PGAP4: variants seen among roughly 807,000 people sequenced by gnomAD.
PGAP4 encodes the protein post-GPI attachment to proteins GalNAc transferase 4.
Under a neutral mutation model 28.2 loss-of-function variants are expected in PGAP4, and 12 were observed. The ratio of observed to expected loss-of-function variants is 0.42; its 90% CI spans 0.27 to 0.69. The LOEUF is 0.69. Ranked by LOEUF, PGAP4 falls within the 30% of genes least tolerant of loss-of-function variation. The probability of loss-of-function intolerance (pLI) is 0.22; values close to 1 mark genes in which losing one functional copy is unlikely to be tolerated. For synonymous variants in PGAP4, 205 were observed against 211.8 expected, an observed-to-expected ratio of 0.97 and a Z score of 0.28; for missense variants, 425 against 513.5, an observed-to-expected ratio of 0.83 and a Z score of 1.67.
chr9:101,533,448 CG>C (rs377176553), upstream of PGAP4: 5 of 152,370 alleles, frequency 3.3e-5, no homozygotes, highest in African/African-American at 7.2e-5. Context: ...GGGGTACCAA[CG>C]AACAATTTTC....
chr9:101,488,429 A>G (rs1418321609), upstream of PGAP4, among the ~76,000 whole-genome samples: 1 of 152,200 alleles, frequency 6.6e-6, no homozygotes, highest in Non-Finnish European at 1.5e-5. Flanking sequence ...GCTGGGGTCT[A>G]ATCTATTTAC....
At chr9:101,481,013 C>G (rs1201627500) in intron 1 of PGAP4, among the ~76,000 whole-genome samples, 2 of 151,990 alleles carry the variant, frequency 1.3e-5, no homozygotes, top group East Asian at 3.9e-4. Flanking sequence ...CTAGTCTCAA[C>G]AAAAGATACA....
At chr9:101,503,993 CA>C (rs1826825823) in intron 2 of PGAP4, among the ~76,000 whole-genome samples, 1 of 151,936 alleles carries the variant, frequency 6.6e-6, no homozygotes, top group African/African-American at 2.4e-5. Context: ...ACCACATAAT[CA>C]AACTGAAACT....
intron 2 of PGAP4, among the ~76,000 whole-genome samples, chr9:101,529,908 T>C (rs1402175645): frequency 6.6e-6 from 1 of 152,246 alleles, no homozygotes; most frequent in African/African-American, 2.4e-5. Flanking sequence ...CCGGAAATTC[T>C]GATTCAGCAA....
At chr9:101,496,849 G>GT (rs1368188843) in intron 2 of PGAP4, among the ~76,000 whole-genome samples, 1 of 150,196 alleles carries the variant, frequency 6.7e-6, no homozygotes, top group Non-Finnish European at 1.5e-5. Flanking sequence ...TGTTTTTATT[G>GT]TTTTTTAATC....
chr9:101,517,904 G>T (rs945851050), intron 2 of PGAP4, among the ~76,000 whole-genome samples: 3 of 152,158 alleles, frequency 2.0e-5, no homozygotes, highest in Admixed American at 6.5e-5. Flanking sequence ...TTTTATTTTA[G>T]ATTCAAGAGA....
chr9:101,501,507 G>T, intron 2 of PGAP4: 1 of 315,450 alleles, frequency 3.2e-6, no homozygotes, highest in South Asian at 2.9e-5. Context: ...ATTAATCAGT[G>T]TAATCTCCCT....
In PGAP4 at chr9:101,523,169, C is replaced by T. The variant is rs111538725; in HGVS notation, c.-165+8179G>A. Among the ~76,000 whole-genome samples the T allele has an allele frequency of 2.9e-3, 432 of 146,664 alleles. 6 individuals carry two copies. In the Middle Eastern group the frequency reaches 0.032, roughly 11 times the overall value. On this transcript the variant is annotated intron_variant, in intron 2 of 3. Coordinates refer to the PGAP4 transcript ENST00000374851. ...TCACAGCTCTTAAGATTCTTTCCTT[C>T]GTCTTAACTTTGGATAACCTGATGA...
chr9:101,528,580 AG>A (rs1054785388), intron 2 of PGAP4, among the ~76,000 whole-genome samples: 27 of 152,136 alleles, frequency 1.8e-4, no homozygotes, highest in African/African-American at 6.0e-4. Flanking sequence ...CTCCAAGGCC[AG>A]GTGGGTTTCT....
intron 2 of PGAP4, among the ~76,000 whole-genome samples, chr9:101,508,819 CCTAT>C (rs1285032317): frequency 1.3e-5 from 2 of 152,048 alleles, no homozygotes; most frequent in Non-Finnish European, 1.5e-5. Context: ...ATTAGATGGC[CCTAT>C]CTGAGGGTGA....
intron 2 of PGAP4, among the ~76,000 whole-genome samples, chr9:101,505,917 T>C (rs898129896): frequency 6.6e-6 from 1 of 152,114 alleles, no homozygotes; most frequent in Non-Finnish European, 1.5e-5. Context: ...GACCTTAGAA[T>C]AAGATAAAAA....
At chr9:101,484,017 C>A (rs1826552542) in intron 1 of PGAP4, among the ~76,000 whole-genome samples, 1 of 152,114 alleles carries the variant, frequency 6.6e-6, no homozygotes. Flanking sequence ...TTGGTGCAAT[C>A]TTTGGAGGAA....
intron 2 of PGAP4, among the ~76,000 whole-genome samples, chr9:101,523,619 CTTTTTTTTTTTTTTT>C (rs71356369): frequency 1.3e-4 from 8 of 59,346 alleles, no homozygotes; most frequent in East Asian, 8.3e-4. Flanking sequence ...CTTCTTGTAT[CTTTTTTTTTTTTTTT>C]TTTTTTTTTT....
intron 2 of PGAP4, among the ~76,000 whole-genome samples, chr9:101,529,499 C>G (rs144876142): frequency 2.0e-3 from 300 of 152,302 alleles, no homozygotes; most frequent in African/African-American, 7.0e-3. Context: ...TGGGGCTCCT[C>G]TGACAATTTG....
intron 2 of PGAP4, among the ~76,000 whole-genome samples, chr9:101,502,736 C>T (rs1313238000): frequency 6.6e-6 from 1 of 152,060 alleles, no homozygotes; most frequent in Non-Finnish European, 1.5e-5. Flanking sequence ...GACCTGGCCA[C>T]ACCTACAGCA....
At chr9:101,531,976 G>A (rs1326495115) in intron 1 of PGAP4, among the ~76,000 whole-genome samples, 2 of 152,244 alleles carry the variant, frequency 1.3e-5, no homozygotes, top group Admixed American at 6.5e-5. Flanking sequence ...CACGCCAAGC[G>A]TGGTGGCTCA....
Position 101,476,700 on chromosome 9 carries a change from T to C in PGAP4, c.393A>G (p.Gln131=). Residue 131 remains glutamine (Q), a synonymous_variant, in exon 2 of 2, where the codon CAA becomes CAG. Transcript: ENST00000374848. This position sits in a 1 kb window ranked among gnomAD's most constrained non-coding sequence, Gnocchi z 7.0. ...VVSQFHRLLQ[Q]CGPQCEGHQL... ...GGTGCCCCTCGCACTGGGGGCCACA[T>C]TGCTGAAGAAGCCGGTGGAACTGGG... 6.2e-7 allele frequency: 1 copy of C among 1,614,126 alleles called. No homozygotes were observed.
Position 101,476,591 on chromosome 9 carries a change from A to T in PGAP4, c.502T>A (p.Tyr168Asn). The change falls in exon 2 of 2, where the codon TAT (tyrosine) becomes AAT (asparagine). Residue 168 changes from tyrosine (Y) to asparagine (N), a missense_variant. By Grantham distance (143) the Tyr-to-Asn change is moderately radical. Coordinates refer to ENST00000374848, the MANE Select transcript of PGAP4 (RefSeq NM_032342.3). This position sits in a 1 kb window ranked among gnomAD's most constrained non-coding sequence, Gnocchi z 7.0. The part of the protein sequence containing the change: ...LSKYVPVANR[Y>N]EGTEDDYGDD... ...CCATAATCATCCTCAGTGCCCTCAT[A>T]GCGATTGGCCACAGGGACATACTTG... is the stretch of plus-strand genomic sequence containing the variant. 1 of 1,614,142 alleles carries T rather than the reference A, an allele frequency of 6.2e-7. No homozygotes were observed. Among genetic ancestry groups the T allele is most frequent in the Non-Finnish European group, 8.5e-7 (1 of 1,180,038 alleles).
Position 101,486,003 on chromosome 9 carries a change from A to C in PGAP4, c.-78+946T>G, listed in dbSNP as rs1054207091. Among the ~76,000 whole-genome samples, 6 of 152,206 alleles carry C rather than the reference A, an allele frequency of 3.9e-5. No individual in the cohort carries two copies. In the East Asian group the frequency reaches 9.7e-4, roughly 25 times the overall value. On this transcript the variant is annotated intron_variant, in intron 1 of 1. Transcript: ENST00000374848. The surrounding 1 kb of genome is among the most constrained non-coding windows in gnomAD (Gnocchi z 4.7). ...CCCGCATGTGTTGCTAATGGTCCGCATGGTGAGATCATCATTGGAGCCGCC... is the reference window on the plus strand; with the variant it reads ...CCCGCATGTGTTGCTAATGGTCCGCCTGGTGAGATCATCATTGGAGCCGCC...
Sources: gnomAD v4.1 joint callset for allele counts (sites outside exome capture counted in the v4.1 genomes callset) on GRCh38, gnomAD v4.1.1 for gene constraint, Gnocchi (gnomAD v3.1) non-coding constraint, MANE v1.5 for transcripts, NCBI Gene and HGNC (gene_info 2026-07-23, HGNC 2026-07-21) for gene names.